Variants in ZNF362 observed in about 807,000 individuals in gnomAD.
ZNF362 encodes rotund homolog.
In ZNF362, 11 loss-of-function variants were observed where a neutral mutation model predicts 42.9. The observed-to-expected ratio is 0.26, with a 90% CI of 0.16 to 0.42. The LOEUF is 0.42. Among genes scored for constraint, ZNF362 ranks in the 20% least tolerant of loss-of-function variants. ZNF362 has a pLI of 1.00. For missense variants in ZNF362, 362 were observed against 576.2 expected (o/e 0.63, Z 3.81); for synonymous variants, 255 against 257.3 (o/e 0.99, Z 0.09).
the ZNF362 span, chr1:33,181,237 G>A: frequency 1.4e-5 from 22 of 1,561,054 alleles, no homozygotes; most frequent in African/African-American, 4.1e-5. This position sits in a 1 kb window ranked among gnomAD's most constrained non-coding sequence, Gnocchi z 6.5. Flanking sequence ...GCCAGCTTGA[G>A]GCTGGGCGCC....
At chr1:33,189,671 A>ACACATATATACG in the ZNF362 span, among the ~76,000 whole-genome samples, 14 of 105,042 alleles carry the variant, frequency 1.3e-4, no homozygotes, top group Non-Finnish European at 2.1e-4. Context: ...ATATATATAT[A>ACACATATATACG]TGTATATATA....
chr1:33,181,326 G>T, the ZNF362 span: 3 of 1,574,800 alleles, frequency 1.9e-6, no homozygotes, highest in Non-Finnish European at 8.6e-7. This position sits in a 1 kb window ranked among gnomAD's most constrained non-coding sequence, Gnocchi z 6.5. Flanking sequence ...CCAGTGCTCC[G>T]TGATGCAGCG....
the ZNF362 span, among the ~76,000 whole-genome samples, chr1:33,152,023 A>G: frequency 6.6e-6 from 1 of 152,246 alleles, no homozygotes; most frequent in Non-Finnish European, 1.5e-5. Flanking sequence ...TCAGTCCCTC[A>G]GATGTACAGG....
the ZNF362 span, among the ~76,000 whole-genome samples, chr1:33,182,379 GAA>G: frequency 6.6e-6 from 1 of 152,244 alleles, no homozygotes. Flanking sequence ...AAACGAACAA[GAA>G]TATATTTGGA....
chr1:33,179,346 A>T, the ZNF362 span, among the ~76,000 whole-genome samples: 1 of 152,168 alleles, frequency 6.6e-6, no homozygotes, highest in African/African-American at 2.4e-5. Context: ...ACAGGGAAGG[A>T]GCGATGGTGA....
chr1:33,276,084 C>A lies in ZNF362; in HGVS notation c.39-16C>A. On this transcript the variant is annotated splice_polypyrimidine_tract_variant and intron_variant, in intron 2 of 8. Transcript: ENST00000539719. Reference sequence around the variant, plus strand: ...GGAGGGCTCTCTTCCCGGTGACAGTCGCTCTCTTCCCGCAGGATGGCCGAG... The same window carrying A: ...GGAGGGCTCTCTTCCCGGTGACAGTAGCTCTCTTCCCGCAGGATGGCCGAG... 2 of 1,613,876 alleles carry A rather than the reference C, an allele frequency of 1.2e-6. No individual in the cohort carries two copies. Among genetic ancestry groups the A allele is most frequent in the African/African-American group, 1.3e-5 (1 of 75,040 alleles).
At chr1:33,133,916 C>G in the ZNF362 span, among the ~76,000 whole-genome samples, 1 of 152,226 alleles carries the variant, frequency 6.6e-6, no homozygotes, top group Admixed American at 6.5e-5. Flanking sequence ...AGATGTGATC[C>G]TAATACCACC....
chr1:33,198,498 C>T, the ZNF362 span, among the ~76,000 whole-genome samples: 1 of 152,104 alleles, frequency 6.6e-6, no homozygotes, highest in East Asian at 1.9e-4. Context: ...AAAACCCCAT[C>T]TCTGCAAAAA....
At position 33,280,292 on chromosome 1, in the gene ZNF362, T is replaced by G. The variant is rs1209689827; in HGVS notation, c.518T>G (p.Leu173Arg). The change falls in exon 5 of 9, where the codon CTG becomes CGG. Residue 173 changes from leucine to arginine, a missense_variant. Leu to Arg is a moderately radical substitution (Grantham distance 102). This residue lies in a region of ZNF362 where 266 missense variants were observed against 365.4 expected (regional missense o/e 0.73). Coordinates refer to ENST00000539719, the MANE Select transcript of ZNF362 (RefSeq NM_152493.3). This position sits in a 1 kb window ranked among gnomAD's most constrained non-coding sequence, Gnocchi z 5.6. ...LISGITSPPL[L>R]DSIKTIQGHG... ...TCAGGGATCACCAGCCCCCCTCTCC[T>G]GGACTCCATCAAGACAATCCAGGGC... The G allele has an allele frequency of 6.2e-7, 1 of 1,613,868 alleles. No homozygotes were observed. The highest frequency in any genetic ancestry group is 1.3e-5 in the African/African-American group (1 of 74,892).
At chr1:33,234,227 C>T in the ZNF362 span, among the ~76,000 whole-genome samples, 1 of 152,176 alleles carries the variant, frequency 6.6e-6, no homozygotes, top group Non-Finnish European at 1.5e-5. Context: ...TGTGACCCTA[C>T]ACAAGTTACT....
chr1:33,245,101 G>C, the ZNF362 span, among the ~76,000 whole-genome samples: 1 of 152,096 alleles, frequency 6.6e-6, no homozygotes, highest in Admixed American at 6.6e-5. Context: ...TGTAAGCAGG[G>C]CTTCTCCTTC....
At chr1:33,238,619 T>C in the ZNF362 span, among the ~76,000 whole-genome samples, 1 of 152,024 alleles carries the variant, frequency 6.6e-6, no homozygotes, top group African/African-American at 2.4e-5. Context: ...ATGGACTGAA[T>C]TGTGTCTCCC....
rs367883756 is a variant in ZNF362, at chr1:33,292,697, C to T, written c.909-2240C>T. ...GAACTCGGCTGTGAATCCGTCTGGT[C>T]CTGGACTTGGTTGTGGGGTTTAAAA... On this transcript the variant is annotated intron_variant, in intron 6 of 8. Transcript: ENST00000539719. Among the ~76,000 whole-genome samples, 51 of 152,268 alleles carry T rather than the reference C, an allele frequency of 3.3e-4. No homozygotes were observed. The South Asian group carries it at 0.01, about 31-fold the overall frequency.
chr1:33,216,561 T>C, the ZNF362 span, among the ~76,000 whole-genome samples: 1 of 112,848 alleles, frequency 8.9e-6, no homozygotes, highest in Non-Finnish European at 1.7e-5. Context: ...GATTGTGCCA[T>C]TGCACTCCAG....
chr1:33,236,550 A>AAAAAATATAT, the ZNF362 span, among the ~76,000 whole-genome samples: 7 of 5,976 alleles, frequency 1.2e-3, 1 homozygote, highest in African/African-American at 2.7e-3. Flanking sequence ...AAAAAAAAAA[A>AAAAAATATAT]ATATATATAT....
At chr1:33,286,751 T>C (rs1052995372) in intron 6 of ZNF362, among the ~76,000 whole-genome samples, 1 of 152,160 alleles carries the variant, frequency 6.6e-6, no homozygotes, top group Non-Finnish European at 1.5e-5. Context: ...GATTCCAGAT[T>C]CCTTGTCCTC....
the ZNF362 span, among the ~76,000 whole-genome samples, chr1:33,177,693 C>G: frequency 6.6e-6 from 1 of 152,118 alleles, no homozygotes; most frequent in Non-Finnish European, 1.5e-5. This position sits in a 1 kb window ranked among gnomAD's most constrained non-coding sequence, Gnocchi z 4.1. Flanking sequence ...TTGCTACTGG[C>G]ATCTAATGGG....
the ZNF362 span, chr1:33,195,126 T>A: frequency 1.3e-5 from 2 of 152,220 alleles, no homozygotes; most frequent in Non-Finnish European, 2.9e-5. Flanking sequence ...CAACAATAGA[T>A]GCCAGTGGAC....
chr1:33,147,743 G>A, the ZNF362 span: 20 of 1,602,150 alleles, frequency 1.2e-5, no homozygotes, highest in Non-Finnish European at 2.6e-6. The surrounding 1 kb of genome is among the most constrained non-coding windows in gnomAD (Gnocchi z 8.1). Context: ...GGGGTTGGAG[G>A]AGGGAGAGAA....
Sources: gnomAD v4.1 joint callset for allele counts (sites outside exome capture counted in the v4.1 genomes callset) on GRCh38, gnomAD v4.1.1 for gene constraint, gnomAD v4.1.1 regional missense constraint, Gnocchi (gnomAD v3.1) non-coding constraint, MANE v1.5 for transcripts, NCBI Gene and HGNC (gene_info 2026-07-23, HGNC 2026-07-21) for gene names.